The following CATSPER2 variants were observed in gnomAD, a reference collection of about 807,000 sequenced individuals.
CATSPER2 encodes cation channel sperm-associated protein 2.
CATSPER2 carries 56 observed loss-of-function variants against 68.8 expected under a neutral mutation model. That is an observed-to-expected ratio of 0.81 (90% CI 0.66 to 1.02). CATSPER2 has a LOEUF of 1.02. Among genes scored for constraint, CATSPER2 ranks in the 50% least tolerant of loss-of-function variants. The probability of loss-of-function intolerance (pLI) is 0.00; values close to 1 mark genes in which losing one functional copy is unlikely to be tolerated. For missense variants in CATSPER2, 582 were observed against 642.0 expected, an observed-to-expected ratio of 0.91 and a Z score of 1.01; for synonymous variants, 198 against 229.9, an observed-to-expected ratio of 0.86 and a Z score of 1.26.
intron 4 of CATSPER2, among the ~76,000 whole-genome samples, chr15:43,646,343 C>A (rs1470292258): frequency 6.6e-6 from 1 of 151,120 alleles, no homozygotes. Flanking sequence ...TCACTGCAAC[C>A]TCGGCTTCCC....
chr15:43,637,494 T>A (rs2085984689), intron 7 of CATSPER2: 1 of 151,884 alleles, frequency 6.6e-6, no homozygotes, highest in Admixed American at 6.6e-5. Flanking sequence ...TCAATACTCT[T>A]ACAAAACTAT....
chr15:43,647,631 G>T (rs1180530141), intron 2 of CATSPER2, among the ~76,000 whole-genome samples, 164 bp from the exon 3 acceptor site: 4 of 151,958 alleles, frequency 2.6e-5, no homozygotes, highest in Non-Finnish European at 4.4e-5. Context: ...GAGAGCAAAT[G>T]TATTGCTTAT....
In CATSPER2 at chr15:43,635,368, T is replaced by C. The variant is rs770990416; in HGVS notation, c.1170A>G (p.Ile390Met). 18 of 1,610,120 alleles carry C rather than the reference T, an allele frequency of 1.1e-5. No individual in the cohort carries two copies. The highest frequency in any genetic ancestry group is 3.3e-5 in the South Asian group (3 of 90,992). ...ACATACATACTCCTAACCTGTCCTC[T>C]ATTTTGCTATGGCTTGACGTCAGTG... Reference protein sequence around the residue: ...HEALTSSHSKIEDSSRGASQQ... With the variant: ...HEALTSSHSKMEDSSRGASQQ... The change falls in exon 10 of 13, where the codon ATA becomes ATG. Residue 390 changes from isoleucine (I) to methionine (M), a missense_variant. Ile to Met is a conservative substitution (Grantham distance 10). Around this residue, in one of 5 missense-constraint regions of CATSPER2, gnomAD observed 235 missense variants for 264.2 expected, o/e 0.89. Transcript: ENST00000396879.
At chr15:43,631,114 C>A (rs1595968657) in intron 12 of CATSPER2, among the ~76,000 whole-genome samples, 1 of 152,082 alleles carries the variant, frequency 6.6e-6, no homozygotes, top group African/African-American at 2.4e-5. Flanking sequence ...CCACCACACA[C>A]AAACACACAG....
In CATSPER2 at chr15:43,648,763, G is replaced by A. The variant is rs1004581434; in HGVS notation, c.-137C>T. On this transcript the variant is annotated 5_prime_UTR_variant, in exon 1 of 13. Transcript: ENST00000396879. ...CCAGCCTCACTGCGCCCCATTCCCC[G>A]CCCCGCTCGACCCCCAGGTTTCGGC... The A allele has an allele frequency of 1.4e-5, 21 of 1,526,026 alleles. No individual in the cohort carries two copies. The highest frequency in any genetic ancestry group is 1.0e-4 in the East Asian group (4 of 39,814). The allele number at this position is 1,526,026 out of a possible 1,614,324, so 94.5% of individuals were successfully genotyped here. A position where few individuals can be genotyped will look rare whatever the true frequency, so the allele number is the denominator to read the frequency against.
chr15:43,633,093 C>T (rs1471757493), intron 10 of CATSPER2, 159 bp from the exon 11 acceptor site: 2 of 865,914 alleles, frequency 2.3e-6, no homozygotes, highest in Admixed American at 2.7e-5. Context: ...CAACCTCAAT[C>T]ATTCATGTGT....
chr15:43,632,059 T>C, intron 12 of CATSPER2, 140 bp downstream of exon 12: 1 of 923,732 alleles, frequency 1.1e-6, no homozygotes, highest in Non-Finnish European at 1.7e-6. Flanking sequence ...AAACCAAGAA[T>C]TTTAGTTTCT....
chr15:43,639,023 C>A lies in CATSPER2; in HGVS notation c.723G>T (p.Met241Ile). 1 of 1,612,254 alleles carries A rather than the reference C, an allele frequency of 6.2e-7. No individual in the cohort carries two copies. The highest frequency in any genetic ancestry group is 1.1e-5 in the South Asian group (1 of 90,958). ...TGAGCAGCAACATCAAGAGGAAGGT[C>A]ATGCTCTAGAGGCCATAACTCTCAT... ...ILVLVRALKSMTFLLMLLLIF... is the reference protein window; with the variant it reads ...ILVLVRALKSITFLLMLLLIF... Residue 241 changes from methionine (M) to isoleucine (I), a missense_variant, in exon 7 of 13, where the codon ATG becomes ATT. Physicochemically the swap from Met to Ile is conservative, Grantham distance 10 (BLOSUM62 1). This residue lies in a region of CATSPER2 where 91 missense variants were observed against 72.8 expected (regional missense o/e 1.25). Transcript: ENST00000396879.
In CATSPER2 at chr15:43,648,811, C is replaced by G. The variant is rs1387780711; in HGVS notation, c.-185G>C. On this transcript the variant is annotated 5_prime_UTR_variant, in exon 1 of 13. Coordinates refer to ENST00000396879, the MANE Select transcript of CATSPER2 (RefSeq NM_172095.4). ...GGCTCACCCCGGGACCCGGCCCTAGCCCCTACCCACAGCCCAGGACCATGC... is the reference window on the plus strand; with the variant it reads ...GGCTCACCCCGGGACCCGGCCCTAGGCCCTACCCACAGCCCAGGACCATGC... 3 of 1,532,784 alleles carry G rather than the reference C, an allele frequency of 2.0e-6. No individual in the cohort carries two copies. The highest frequency in any genetic ancestry group is 2.6e-6 in the Non-Finnish European group (3 of 1,143,420). 94.9% of individuals were successfully genotyped at this position (1,532,784 alleles called of 1,614,324 possible). A position where few individuals can be genotyped will look rare whatever the true frequency, so the allele number is the denominator to read the frequency against.
rs576275058 is a variant in CATSPER2 at position 43,632,006 on chromosome 15, CAGTT to C, written c.1561+189_1561+192del. Among the ~76,000 whole-genome samples, 51 of 152,074 alleles carry C rather than the reference CAGTT, an allele frequency of 3.4e-4. 1 individual carries two copies. The highest frequency in any genetic ancestry group is 1.1e-3 in the African/African-American group (44 of 41,486). On this transcript the variant is annotated intron_variant, in intron 12 of 12. Transcript: ENST00000396879. ...GAAGCAGAGTTTCTAGGTTCTCTCT[CAGTT>C]AGGGAAAAGTGGGACACATTCCCAG... is the stretch of plus-strand genomic sequence containing the variant.
chr15:43,637,734 A>T (rs1320492126), intron 7 of CATSPER2: 1 of 151,946 alleles, frequency 6.6e-6, no homozygotes. Context: ...TGCCGAAGTG[A>T]GCACTGATTA....
Position 43,630,591 on chromosome 15 carries a change from A to C in CATSPER2, c.*110T>G. ...CTAGACACTTATACTTTTTAATTTT[A>C]ATGAACAGACATTGTTCTATCTGAA... On this transcript the variant is annotated 3_prime_UTR_variant, in exon 13 of 13. Transcript: ENST00000396879. 6.2e-7 allele frequency: 1 copy of C among 1,604,506 alleles called. No individual in the cohort carries two copies. The highest frequency in any genetic ancestry group is 8.5e-7 in the Non-Finnish European group (1 of 1,175,222).
rs777247755 is a variant in CATSPER2, at chr15:43,647,483, A to T, written c.146-16T>A. The T allele has an allele frequency of 5.0e-6, 8 of 1,611,418 alleles. 1 individual carries two copies. The East Asian group carries it at 1.1e-4, about 22-fold the overall frequency. On this transcript the variant is annotated splice_polypyrimidine_tract_variant and intron_variant, in intron 2 of 12. Transcript: ENST00000396879. The stretch of plus-strand genomic sequence containing the variant: ...CGGGAAGGATCTACAACAAAAATTA[A>T]AAAGGGATAGTGGATAAATACAAAC...
chr15:43,644,594 G>A (rs1361629647), intron 4 of CATSPER2, among the ~76,000 whole-genome samples: 2 of 151,916 alleles, frequency 1.3e-5, no homozygotes, highest in Admixed American at 6.6e-5. Context: ...GAGCATTACC[G>A]CCTGAGCTCC....
At chr15:43,641,182 T>C (rs1179277192) in intron 4 of CATSPER2, among the ~76,000 whole-genome samples, 2 of 151,262 alleles carry the variant, frequency 1.3e-5, no homozygotes, top group African/African-American at 4.9e-5. Context: ...AATGGTGCGA[T>C]CTTGTCTCAC....
In CATSPER2 at chr15:43,632,565, T is replaced by C. The variant is rs150090886; in HGVS notation, c.1396+152A>G. 1.3e-5 allele frequency: 19 copies of C among 1,510,016 alleles called. No homozygotes were observed. In the East Asian group the frequency reaches 4.1e-4, roughly 32 times the overall value. The allele number at this position is 1,510,016 out of a possible 1,614,324, so 93.5% of individuals were successfully genotyped here. A position where few individuals can be genotyped will look rare whatever the true frequency, so the allele number is the denominator to read the frequency against. On this transcript the variant is annotated intron_variant, in intron 11 of 12. Transcript: ENST00000396879. ...ACACTTACCCGAAGTGAAGAAGAAG[T>C]ACAGGGGAAATTAAGAAGCAAAAAC...
At chr15:43,645,066 T>C (rs2086138799) in intron 4 of CATSPER2, among the ~76,000 whole-genome samples, 1 of 151,884 alleles carries the variant, frequency 6.6e-6, no homozygotes, top group South Asian at 2.1e-4. Flanking sequence ...AAAGGACTAT[T>C]TTATTTTTTT....
intron 7 of CATSPER2, among the ~76,000 whole-genome samples, chr15:43,637,328 T>TATA (rs1369628042): frequency 6.6e-6 from 1 of 151,850 alleles, no homozygotes; most frequent in Non-Finnish European, 1.5e-5. Flanking sequence ...ATAATGAATA[T>TATA]ATACAAATTA....
chr15:43,633,013 C>T (rs1771367738), intron 10 of CATSPER2, 79 bp from the exon 11 acceptor site: 3 of 1,221,514 alleles, frequency 2.5e-6, no homozygotes, highest in Non-Finnish European at 1.1e-6. Context: ...CTGCCCCTGG[C>T]CACCCCCTAA....
Sources: gnomAD v4.1 joint callset for allele counts (sites outside exome capture counted in the v4.1 genomes callset) on GRCh38, gnomAD v4.1.1 for gene constraint, gnomAD v4.1.1 regional missense constraint, MANE v1.5 for transcripts, NCBI Gene and HGNC (gene_info 2026-07-23, HGNC 2026-07-21) for gene names.